The following TEAD1 variants were observed in gnomAD, a reference collection of about 807,000 sequenced individuals.
TEAD1 encodes transcriptional enhancer factor TEF-1.
Under a neutral mutation model 54.9 loss-of-function variants are expected in TEAD1, and 9 were observed. The observed-to-expected ratio is 0.16, with a 90% confidence interval of 0.10 to 0.29. The LOEUF (loss-of-function observed/expected upper bound fraction) is 0.29. TEAD1 is among the 10% of genes least tolerant of loss of function. The pLI, the probability that TEAD1 is intolerant of heterozygous loss-of-function variation, is 1.00. For missense variants in TEAD1, 387 were observed against 535.9 expected, an observed-to-expected ratio of 0.72 and a Z score of 2.74; for synonymous variants, 200 against 187.8, an observed-to-expected ratio of 1.07 and a Z score of -0.53.
intron 10 of TEAD1, among the ~76,000 whole-genome samples, chr11:12,922,236 G>T (rs1300954026): frequency 2.0e-5 from 2 of 100,120 alleles, no homozygotes; most frequent in Non-Finnish European, 2.0e-5. Context: ...TCGCTCTGTC[G>T]CCCAGGCTGG....
chr11:12,872,116 A>G (rs2134083169), intron 5 of TEAD1, among the ~76,000 whole-genome samples: 1 of 152,296 alleles, frequency 6.6e-6, no homozygotes, highest in East Asian at 1.9e-4. Context: ...TGTTGATTTA[A>G]TTCTTTTGAG....
At chr11:12,730,287 T>C (rs910341851) in intron 2 of TEAD1, among the ~76,000 whole-genome samples, 1 of 152,106 alleles carries the variant, frequency 6.6e-6, no homozygotes. Context: ...CCTTGTGAGG[T>C]TGTATAAATT....
At chr11:12,903,672 C>A (rs190339951) in intron 10 of TEAD1, among the ~76,000 whole-genome samples, 1 of 152,048 alleles carries the variant, frequency 6.6e-6, no homozygotes, top group East Asian at 1.9e-4. Flanking sequence ...ATTAGTCAGG[C>A]GTGGTGGTGC....
chr11:12,700,588 G>A, intron 2 of TEAD1, among the ~76,000 whole-genome samples: 1 of 152,142 alleles, frequency 6.6e-6, no homozygotes, highest in Non-Finnish European at 1.5e-5. Context: ...AAGCCACATT[G>A]ATCTTAGAAA....
chr11:12,810,411 A>G (rs1946276874), intron 3 of TEAD1, among the ~76,000 whole-genome samples: 1 of 152,086 alleles, frequency 6.6e-6, no homozygotes, highest in Admixed American at 6.5e-5. Context: ...GCCTGGGAAA[A>G]TGGCCAGATT....
chr11:12,838,675 G>A (rs542561165), intron 3 of TEAD1, among the ~76,000 whole-genome samples: 24 of 152,294 alleles, frequency 1.6e-4, no homozygotes, highest in African/African-American at 5.5e-4. Context: ...GTGGCCTTGT[G>A]CACGTCTTTT....
At chr11:12,898,400 T>TG (rs112951890) in intron 9 of TEAD1, among the ~76,000 whole-genome samples, 1 of 148,162 alleles carries the variant, frequency 6.7e-6, no homozygotes, top group African/African-American at 2.5e-5. Context: ...CATGAACACT[T>TG]TTTTTTTTTT....
At chr11:12,699,356 A>T (rs1363627949) in intron 2 of TEAD1, among the ~76,000 whole-genome samples, 1 of 152,078 alleles carries the variant, frequency 6.6e-6, no homozygotes, top group Non-Finnish European at 1.5e-5. Context: ...GAATTGTAGA[A>T]ACCGCTTGTC....
chr11:12,882,088 T>A (rs1333900998), intron 8 of TEAD1, 131 bp downstream of exon 8: 10 of 965,292 alleles, frequency 1.0e-5, no homozygotes, highest in Non-Finnish European at 1.6e-5. Context: ...ACTTGCAGGA[T>A]CCTTGGGTAG....
At chr11:12,835,933 TTAA>T (rs1282877849) in intron 3 of TEAD1, among the ~76,000 whole-genome samples, 1 of 152,126 alleles carries the variant, frequency 6.6e-6, no homozygotes, top group Non-Finnish European at 1.5e-5. Context: ...GTGACTATAG[TTAA>T]TAATAATGTG....
At chr11:12,764,595 G>A (rs1157626163) in intron 3 of TEAD1, among the ~76,000 whole-genome samples, 161 bp downstream of exon 3, 2 of 152,086 alleles carry the variant, frequency 1.3e-5, no homozygotes, top group African/African-American at 2.4e-5. Flanking sequence ...AAACTAAAAA[G>A]GAGAGTCAAT....
At chr11:12,691,721 C>T (rs938827349) in intron 2 of TEAD1, among the ~76,000 whole-genome samples, 1 of 152,128 alleles carries the variant, frequency 6.6e-6, no homozygotes, top group African/African-American at 2.4e-5. Flanking sequence ...TAGTCATTGC[C>T]TTCATCATGT....
intron 2 of TEAD1, among the ~76,000 whole-genome samples, chr11:12,678,752 G>A (rs376020496): frequency 5.7e-4 from 86 of 152,128 alleles, no homozygotes; most frequent in African/African-American, 1.9e-3. Flanking sequence ...TTTATTTTTT[G>A]TTTCAAAGCT....
At chr11:12,766,174 A>G (rs1388401479) in intron 3 of TEAD1, among the ~76,000 whole-genome samples, 1 of 152,216 alleles carries the variant, frequency 6.6e-6, no homozygotes, top group Non-Finnish European at 1.5e-5. Context: ...ATACTGGGAA[A>G]GGTCCTGTCC....
rs1947567813 is a variant in TEAD1 at position 12,864,271 on chromosome 11, A to G, written c.268-567A>G. Among the ~76,000 whole-genome samples the G allele has an allele frequency of 1.3e-5, 2 of 152,034 alleles. 1 individual carries two copies. The highest frequency in any genetic ancestry group is 4.2e-4 in the South Asian group (2 of 4,818). On this transcript the variant is annotated intron_variant, in intron 4 of 12. Transcript: ENST00000527636. ...GTCTCTTCTAAATTGAGAAAAAGGGATTTTCCCTCCTGATACTGAGAAGCT... is the reference window on the plus strand; with the variant it reads ...GTCTCTTCTAAATTGAGAAAAAGGGGTTTTCCCTCCTGATACTGAGAAGCT...
At chr11:12,713,549 G>A (rs1389588265) in intron 2 of TEAD1, among the ~76,000 whole-genome samples, 1 of 152,174 alleles carries the variant, frequency 6.6e-6, no homozygotes, top group Non-Finnish European at 1.5e-5. Context: ...GAACATTTTG[G>A]TGTTAGAAGG....
chr11:12,810,373 C>T (rs1946276093), intron 3 of TEAD1, among the ~76,000 whole-genome samples: 1 of 152,150 alleles, frequency 6.6e-6, no homozygotes, highest in South Asian at 2.1e-4. Flanking sequence ...TGTATGGACG[C>T]TGGAGCATTT....
chr11:12,902,695 A>AT (rs1407640891), intron 10 of TEAD1, among the ~76,000 whole-genome samples: 8 of 151,542 alleles, frequency 5.3e-5, no homozygotes, highest in Admixed American at 3.3e-4. Context: ...CTTTACACAC[A>AT]TTTTTTTTTA....
At chr11:12,908,433 C>G (rs894092162) in intron 10 of TEAD1, among the ~76,000 whole-genome samples, 2 of 152,206 alleles carry the variant, frequency 1.3e-5, no homozygotes, top group Non-Finnish European at 2.9e-5. Flanking sequence ...CCTGACCACC[C>G]TAGTATCTTT....
Sources: gnomAD v4.1 joint callset for allele counts (sites outside exome capture counted in the v4.1 genomes callset) on GRCh38, gnomAD v4.1.1 for gene constraint, MANE v1.5 for transcripts, NCBI Gene and HGNC (gene_info 2026-07-23, HGNC 2026-07-21) for gene names.